Variants in COL25A1 observed in about 807,000 individuals in gnomAD.
The protein encoded by COL25A1 is collagen alpha-1(XXV) chain.
In COL25A1, 103 loss-of-function variants were observed where a neutral mutation model predicts 128.4. That is an observed-to-expected ratio of 0.80 (90% CI 0.68 to 0.94). The LOEUF is 0.94. Among genes scored for constraint, COL25A1 ranks in the 40% least tolerant of loss-of-function variants. COL25A1 has a pLI of 0.00. For missense variants in COL25A1, 745 were observed against 840.0 expected, an observed-to-expected ratio of 0.89 and a Z score of 1.40; for synonymous variants, 279 against 277.2, an observed-to-expected ratio of 1.01 and a Z score of -0.06.
rs117442457 is a variant in COL25A1, at chr4:109,033,010, A to T, written c.420+15158T>A. On this transcript the variant is annotated intron_variant, in intron 5 of 37. Coordinates refer to ENST00000399132, the MANE Select transcript of COL25A1 (RefSeq NM_198721.4). ...TATTAATAATTGGTGTGCACAAGTA[A>T]ATTAGGCTATCCCACCAGGTCCTCC... Among the ~76,000 whole-genome samples, 234 of 151,300 alleles carry T rather than the reference A, an allele frequency of 1.5e-3. 5 individuals carry two copies. The East Asian group carries it at 0.04, about 26-fold the overall frequency.
Position 109,221,653 on chromosome 4 carries a change from G to C in COL25A1, c.367+78930C>G, listed in dbSNP as rs74548687. Reference sequence around the variant, plus strand: ...TATTATTTTAACCAATACTACTTTTGAGTATCAGATTGTGAAGTCACTGCA... The same window carrying C: ...TATTATTTTAACCAATACTACTTTTCAGTATCAGATTGTGAAGTCACTGCA... On this transcript the variant is annotated intron_variant, in intron 3 of 37. Transcript: ENST00000399132. Among the ~76,000 whole-genome samples the C allele has an allele frequency of 2.0e-5, 3 of 152,130 alleles. No homozygotes were observed. The East Asian group carries it at 5.8e-4, about 29-fold the overall frequency.
intron 11 of COL25A1, among the ~76,000 whole-genome samples, chr4:108,922,721 G>A (rs1008733206): frequency 6.6e-6 from 1 of 152,062 alleles, no homozygotes; most frequent in Admixed American, 6.5e-5. Flanking sequence ...ATCTAAGGAT[G>A]GCTACAAAGA....
chr4:108,863,594 G>A (rs891671827), intron 20 of COL25A1, among the ~76,000 whole-genome samples: 13 of 152,164 alleles, frequency 8.5e-5, no homozygotes, highest in African/African-American at 2.9e-4. Flanking sequence ...GTGTCAACTT[G>A]ACTGGATTAA....
intron 3 of COL25A1, among the ~76,000 whole-genome samples, chr4:109,101,029 T>C (rs1456779542): frequency 6.6e-6 from 1 of 152,128 alleles, no homozygotes; most frequent in Non-Finnish European, 1.5e-5. Flanking sequence ...GTAGGAAAAT[T>C]TTAAAGTGGC....
At position 109,101,291 on chromosome 4, in the gene COL25A1, A is replaced by G. The variant is rs1056025304; in HGVS notation, c.368-51112T>C. On this transcript the variant is annotated intron_variant, in intron 3 of 37. Transcript: ENST00000399132. ...AGAGGTAGAAGCTGGGGAGGAATGC[A>G]CAGGTAAGGCTGAGCCCTCGGTGAC... 2.0e-5 allele frequency among the ~76,000 whole-genome samples: 3 copies of G among 152,212 alleles called. No individual in the cohort carries two copies. The East Asian group carries it at 5.8e-4, about 29-fold the overall frequency.
chr4:109,093,925 C>G (rs1765175280), intron 3 of COL25A1, among the ~76,000 whole-genome samples: 1 of 151,824 alleles, frequency 6.6e-6, no homozygotes, highest in African/African-American at 2.4e-5. Flanking sequence ...AGTTTTTAAC[C>G]ATTTAGAACT....
intron 3 of COL25A1, among the ~76,000 whole-genome samples, chr4:109,119,946 A>G (rs117638332): frequency 0.032 from 4,924 of 152,174 alleles, 141 homozygotes; most frequent in South Asian, 0.13. Context: ...AAAACCAACT[A>G]GAAGTTATCC....
intron 6 of COL25A1, among the ~76,000 whole-genome samples, chr4:108,994,953 C>A (rs920473259): frequency 3.3e-5 from 5 of 152,172 alleles, no homozygotes; most frequent in Non-Finnish European, 7.3e-5. Context: ...ACCAAAACCT[C>A]ATCTCTAGGT....
At chr4:108,845,345 C>T in intron 28 of COL25A1, 94 bp from the exon 29 acceptor site, 6 of 952,452 alleles carry the variant, frequency 6.3e-6, no homozygotes, top group Non-Finnish European at 1.0e-5. Flanking sequence ...GTTCTCTTGA[C>T]ATTTTATAAT....
At chr4:109,246,471 T>A (rs978633) in intron 3 of COL25A1, among the ~76,000 whole-genome samples, 69,661 of 151,880 alleles carry the variant, frequency 0.46, 17,756 homozygotes, top group African/African-American at 0.65. Flanking sequence ...ACTCCACCAA[T>A]TCTCAAGGAA....
In COL25A1 at chr4:108,974,406, A is replaced by G. The variant is rs772465295; in HGVS notation, c.466-13T>C. The G allele has an allele frequency of 6.2e-7, 1 of 1,613,946 alleles. No individual in the cohort carries two copies. The highest frequency in any genetic ancestry group is 8.5e-7 in the Non-Finnish European group (1 of 1,179,882). On this transcript the variant is annotated splice_polypyrimidine_tract_variant and intron_variant, in intron 7 of 37. Coordinates refer to ENST00000399132, the MANE Select transcript of COL25A1 (RefSeq NM_198721.4). ...CACCTTGTTCTCCCTGTAGAATAGA[A>G]AGGTGAGATAACAGTTTTAGCCAAA...
intron 3 of COL25A1, among the ~76,000 whole-genome samples, chr4:109,137,982 A>ATG (rs1418865784): frequency 8.2e-5 from 5 of 60,760 alleles, no homozygotes; most frequent in African/African-American, 1.9e-4. Flanking sequence ...TTTTATATAT[A>ATG]TATGTGTGTG....
intron 3 of COL25A1, among the ~76,000 whole-genome samples, chr4:109,072,311 AC>A (rs1181323454): frequency 2.6e-5 from 4 of 152,132 alleles, no homozygotes; most frequent in African/African-American, 9.7e-5. Context: ...CCTTAATTTA[AC>A]TCACGTTTTC....
chr4:109,247,186 A>G (rs572956551), intron 3 of COL25A1, among the ~76,000 whole-genome samples: 1 of 152,296 alleles, frequency 6.6e-6, no homozygotes, highest in South Asian at 2.1e-4. Context: ...CAACATGGTA[A>G]AACCCCATCT....
chr4:109,224,399 A>G (rs1778637615), intron 3 of COL25A1, among the ~76,000 whole-genome samples: 1 of 152,194 alleles, frequency 6.6e-6, no homozygotes, highest in Non-Finnish European at 1.5e-5. Context: ...AAGATTATTT[A>G]TCCTTCTAAG....
At chr4:109,096,835 GT>G (rs951749170) in intron 3 of COL25A1, among the ~76,000 whole-genome samples, 79 of 152,272 alleles carry the variant, frequency 5.2e-4, no homozygotes, top group African/African-American at 1.8e-3. Flanking sequence ...TATGGGACCA[GT>G]TGCTGATGTC....
At chr4:109,001,372 C>CAGGCATCAGAGATCCTGTCAGGT (rs1755348181) in intron 6 of COL25A1, among the ~76,000 whole-genome samples, 1 of 24,144 alleles carries the variant, frequency 4.1e-5, no homozygotes, top group East Asian at 1.6e-3. Context: ...TTAAAAGAAA[C>CAGGCATCAGAGATCCTGTCAGGT]AGGCATCTGA....
chr4:109,134,483 C>G (rs1769517372), intron 3 of COL25A1, among the ~76,000 whole-genome samples: 1 of 152,126 alleles, frequency 6.6e-6, no homozygotes, highest in African/African-American at 2.4e-5. Flanking sequence ...CCAGGGCTTT[C>G]CACTCCCTCT....
At chr4:109,274,172 T>C (rs1782389206) in intron 3 of COL25A1, among the ~76,000 whole-genome samples, 1 of 151,798 alleles carries the variant, frequency 6.6e-6, no homozygotes, top group Non-Finnish European at 1.5e-5. Context: ...TATCTTTTAT[T>C]TTCCTTTCAA....
Sources: allele counts gnomAD v4.1 joint callset (sites outside exome capture counted in the v4.1 genomes callset), GRCh38; gene constraint gnomAD v4.1.1; transcripts MANE v1.5; gene names NCBI Gene and HGNC (gene_info 2026-07-23, HGNC 2026-07-21).